Variants in PATJ observed in about 807,000 individuals in gnomAD.
The protein encoded by PATJ is PATJ crumbs cell polarity complex component, also known as inaD-like protein.
Under a neutral mutation model 224.9 loss-of-function variants are expected in PATJ, and 190 were observed. The ratio of observed to expected loss-of-function variants is 0.84; its 90% CI spans 0.75 to 0.95. The LOEUF is 0.95. Among genes scored for constraint, PATJ ranks in the 40% least tolerant of loss-of-function variants. The pLI is 0.00. For missense variants in PATJ, 2,121 were observed against 2,270.3 expected (o/e 0.93, Z 1.34); for synonymous variants, 769 against 820.3 (o/e 0.94, Z 1.07).
At chr1:62,007,374 A>G (rs1054089532) in intron 28 of PATJ, among the ~76,000 whole-genome samples, 3 of 152,186 alleles carry the variant, frequency 2.0e-5, no homozygotes, top group African/African-American at 7.2e-5. Flanking sequence ...AGATAAGAAA[A>G]CCAGAATTGT....
intron 27 of PATJ, among the ~76,000 whole-genome samples, chr1:61,969,109 G>A (rs1571565868): frequency 6.6e-6 from 1 of 151,638 alleles, no homozygotes; most frequent in African/African-American, 2.4e-5. Context: ...AGACCACTTT[G>A]TGTTTTTTTC....
chr1:62,089,387 T>TTA (rs541171527), intron 33 of PATJ, among the ~76,000 whole-genome samples: 1 of 143,872 alleles, frequency 7.0e-6, no homozygotes, highest in Non-Finnish European at 1.5e-5. Context: ...GTGAGGCAGC[T>TTA]AAAAAAAAAA....
intron 1 of PATJ, among the ~76,000 whole-genome samples, chr1:61,754,562 A>G (rs959188395): frequency 2.7e-5 from 3 of 111,286 alleles, no homozygotes; most frequent in African/African-American, 3.5e-5. Flanking sequence ...GGGTTCTGCT[A>G]TGTTGCCCAG....
chr1:61,901,556 G>A (rs1571201021), intron 24 of PATJ, 97 bp downstream of exon 24: 7 of 818,020 alleles, frequency 8.6e-6, no homozygotes, highest in Admixed American at 3.2e-5. Context: ...GTTGGGGACC[G>A]TGTGTGTACA....
chr1:61,992,595 A>G (rs1444198395), intron 28 of PATJ, among the ~76,000 whole-genome samples: 1 of 152,160 alleles, frequency 6.6e-6, no homozygotes, highest in Non-Finnish European at 1.5e-5. Context: ...ATAATTTGGA[A>G]TATGAAGATT....
intron 31 of PATJ, among the ~76,000 whole-genome samples, chr1:62,058,843 G>A (rs1459648314): frequency 3.3e-5 from 5 of 152,128 alleles, no homozygotes; most frequent in African/African-American, 7.2e-5. Context: ...TTGGTCTAAC[G>A]CAGAGGTCAC....
rs1553185871 is a variant in PATJ at position 61,871,399 on chromosome 1, A to ATG, written c.2836-3840_2836-3839dup. Reference sequence around the variant, plus strand: ...GATAATTTTTTGTGTATATATATATATGTGTATATATATACATATATATGT... The same window carrying ATG: ...GATAATTTTTTGTGTATATATATATATGTGTGTATATATATACATATATATGT... On this transcript the variant is annotated intron_variant, in intron 20 of 43. Transcript: ENST00000642238. Among the ~76,000 whole-genome samples, 25 of 93,002 alleles carry ATG rather than the reference A, an allele frequency of 2.7e-4. 1 individual carries two copies. The highest frequency in any genetic ancestry group is 1.6e-3 in the Admixed American group (12 of 7,522). The allele number at this position is 93,002 out of a possible 152,430, so 61.0% of individuals were successfully genotyped here.
chr1:62,023,947 AGAT>A (rs1647277605), intron 29 of PATJ, among the ~76,000 whole-genome samples: 1 of 152,100 alleles, frequency 6.6e-6, no homozygotes, highest in Admixed American at 6.6e-5. Context: ...GCATCTATTG[AGAT>A]GATCATCATA....
intron 22 of PATJ, among the ~76,000 whole-genome samples, chr1:61,887,789 G>A (rs1435714342): frequency 2.0e-5 from 3 of 152,318 alleles, no homozygotes; most frequent in Middle Eastern, 3.4e-3. Flanking sequence ...GTGGCATTAT[G>A]AGTAGGGAGA....
chr1:61,752,416 C>A (rs1315022583), intron 1 of PATJ, among the ~76,000 whole-genome samples: 1 of 149,126 alleles, frequency 6.7e-6, no homozygotes, highest in Non-Finnish European at 1.5e-5. Flanking sequence ...CAGGTTCAAG[C>A]GATTCTTCTG....
At chr1:61,896,681 A>T (rs1390970201) in intron 22 of PATJ, among the ~76,000 whole-genome samples, 1 of 152,110 alleles carries the variant, frequency 6.6e-6, no homozygotes, top group Non-Finnish European at 1.5e-5. Flanking sequence ...CTCAAATTGT[A>T]TTTCCCATGT....
At chr1:61,880,695 A>G (rs557988146) in intron 21 of PATJ, among the ~76,000 whole-genome samples, 83 of 152,382 alleles carry the variant, frequency 5.4e-4, no homozygotes, top group African/African-American at 1.9e-3. Flanking sequence ...GTATTTTATC[A>G]TCTTACACGT....
intron 1 of PATJ, among the ~76,000 whole-genome samples, chr1:61,761,012 T>A (rs1053636633): frequency 3.9e-5 from 6 of 151,998 alleles, no homozygotes; most frequent in Admixed American, 3.9e-4. Context: ...GGGGTCTCCC[T>A]TTGTCACCCA....
chr1:61,805,592 C>T (rs1223194638), intron 13 of PATJ, 68 bp downstream of exon 13: 14 of 957,634 alleles, frequency 1.5e-5, no homozygotes, highest in Non-Finnish European at 2.3e-5. Context: ...ACAGTACGAT[C>T]CAAAGAAATG....
chr1:62,031,233 G>A (rs941671980), intron 29 of PATJ, among the ~76,000 whole-genome samples: 1 of 152,154 alleles, frequency 6.6e-6, no homozygotes, highest in African/African-American at 2.4e-5. Flanking sequence ...TGCAGAAACA[G>A]GAAACGTAGC....
intron 19 of PATJ, among the ~76,000 whole-genome samples, chr1:61,863,035 T>G (rs1038592937): frequency 6.2e-4 from 88 of 141,678 alleles, no homozygotes; most frequent in African/African-American, 2.1e-3. Flanking sequence ...CAGTTTTTTT[T>G]TTTTTTTTTT....
intron 14 of PATJ, among the ~76,000 whole-genome samples, chr1:61,822,429 G>A (rs75175274): frequency 7.0e-4 from 82 of 116,572 alleles, no homozygotes; most frequent in Middle Eastern, 4.3e-3. Context: ...GACTGTGTCA[G>A]AAAAAAAAAA....
chr1:62,062,392 CTTTTTTTTTTTTTTTTTTTTT>C (rs60747316), intron 31 of PATJ, among the ~76,000 whole-genome samples: 1 of 28,458 alleles, frequency 3.5e-5, no homozygotes, highest in Non-Finnish European at 5.9e-5. Context: ...ATGTTGTCTT[CTTTTTTTTTTTTTTTTTTTTT>C]TTTTTTCCTT....
chr1:61,975,953 A>C (rs968415706), intron 27 of PATJ, among the ~76,000 whole-genome samples: 1 of 151,984 alleles, frequency 6.6e-6, no homozygotes, highest in African/African-American at 2.4e-5. Flanking sequence ...TTGGCTTTCA[A>C]ATTATTTTCT....
Sources: gnomAD v4.1 joint callset for allele counts (sites outside exome capture counted in the v4.1 genomes callset) on GRCh38, gnomAD v4.1.1 for gene constraint, MANE v1.5 for transcripts, NCBI Gene and HGNC (gene_info 2026-07-23, HGNC 2026-07-21) for gene names.